The following DIAPH2 variants were observed in gnomAD, a reference collection of about 807,000 sequenced individuals.
DIAPH2 encodes diaphanous related formin 2.
In DIAPH2, 35 loss-of-function variants were observed where a neutral mutation model predicts 92.7. The observed-to-expected ratio is 0.38, with a 90% CI of 0.29 to 0.50. DIAPH2 has a LOEUF of 0.50. Ranked by LOEUF, DIAPH2 falls within the 20% of genes least tolerant of loss-of-function variation. The pLI, the probability that DIAPH2 is intolerant of heterozygous loss-of-function variation, is 0.94. For synonymous variants in DIAPH2, 301 were observed against 280.4 expected, an observed-to-expected ratio of 1.07 and a Z score of -0.73; for missense variants, 701 against 819.5, an observed-to-expected ratio of 0.86 and a Z score of 1.77.
At chrX:97,252,842 C>A (rs764318485) in intron 23 of DIAPH2, among the ~76,000 whole-genome samples, 1 of 111,271 alleles carries the variant, frequency 9.0e-6, no homozygotes, top group Non-Finnish European at 1.9e-5. Flanking sequence ...TCTCTCCTTA[C>A]CCTCACTGTC....
chrX:97,541,127 CA>C lies in DIAPH2; in HGVS notation c.3242-58125del, dbSNP rs762502138. 2.8e-3 allele frequency among the ~76,000 whole-genome samples: 314 copies of C among 111,541 alleles called. 1 individual carries two copies. The highest frequency in any genetic ancestry group is 0.023 in the Middle Eastern group (5 of 214). On this transcript the variant is annotated intron_variant, in intron 26 of 26. Coordinates refer to ENST00000324765, the MANE Select transcript of DIAPH2 (RefSeq NM_006729.5). ...TGGATAACCTAACTTCCCAATTAAA[CA>C]TGACGTTTCCTCCAAAATATTAAGC...
At position 96,939,293 on chromosome X, in the gene DIAPH2, A is replaced by G. The variant is rs2065677932; in HGVS notation, c.1236A>G (p.Leu412=). 3.6e-6 allele frequency: 4 copies of G among 1,113,170 alleles called. No homozygotes were observed. The highest frequency in any genetic ancestry group is 3.9e-5 in the South Asian group (2 of 51,920). 91.7% of individuals were successfully genotyped at this position (1,113,170 alleles called of 1,213,427 possible). ...MDDMNEVYHL[L]YNMLKDTAAE... is the part of the protein sequence containing the mutation. ...ATATGAATGAAGTCTACCATCTTCT[A>G]TATAATATGCTGAAGGACACTGCTG... The change falls in exon 12 of 27, where the codon CTA becomes CTG. Residue 412 remains leucine (L), a synonymous_variant. Coordinates refer to ENST00000324765, the MANE Select transcript of DIAPH2 (RefSeq NM_006729.5).
At chrX:96,905,150 G>A (rs1339702067) in intron 5 of DIAPH2, among the ~76,000 whole-genome samples, 1 of 111,658 alleles carries the variant, frequency 9.0e-6, no homozygotes, top group Non-Finnish European at 1.9e-5. Context: ...TACAGCTTAT[G>A]GGATTCAGTA....
At position 97,334,998 on chromosome X, in the gene DIAPH2, C is replaced by CAAAAAAAAAAAAAAAAAAAAAAAAAAAA. The variant is rs746536131; in HGVS notation, c.2845-13100_2845-13099insAAAAAAAAAAAAAAAAAAAAAAAAAAAA. Reference sequence around the variant, plus strand: ...TTCGTCTCAAAAAACAAAAACAAAACAAAAAAAAAAAAAAAAAAGAGGAAG... The same window carrying CAAAAAAAAAAAAAAAAAAAAAAAAAAAA: ...TTCGTCTCAAAAAACAAAAACAAAACAAAAAAAAAAAAAAAAAAAAAAAAAAAAAAAAAAAAAAAAAAAAAAGAGGAAG... On this transcript the variant is annotated intron_variant, in intron 23 of 26. Coordinates refer to ENST00000324765, the MANE Select transcript of DIAPH2 (RefSeq NM_006729.5). Among the ~76,000 whole-genome samples, 19 of 31,448 alleles carry CAAAAAAAAAAAAAAAAAAAAAAAAAAAA rather than the reference C, an allele frequency of 6.0e-4. 1 individual carries two copies. Among genetic ancestry groups the CAAAAAAAAAAAAAAAAAAAAAAAAAAAA allele is most frequent in the South Asian group, 5.5e-3 (1 of 182 alleles). 27.3% of individuals were successfully genotyped at this position (31,448 alleles called of 115,157 possible). A position where few individuals can be genotyped will look rare whatever the true frequency, so the allele number is the denominator to read the frequency against.
intron 5 of DIAPH2, chrX:96,885,345 G>A (rs2065252944): frequency 3.7e-6 from 1 of 273,886 alleles, no homozygotes. Context: ...CATGATTTTC[G>A]GGGAAGAAAA....
At chrX:97,358,315 A>G (rs2069288400) in intron 24 of DIAPH2, among the ~76,000 whole-genome samples, 1 of 111,589 alleles carries the variant, frequency 9.0e-6, no homozygotes, top group African/African-American at 3.3e-5. Flanking sequence ...ATCTAGAGAC[A>G]TTTTTGTTTA....
chrX:97,207,318 ATTG>A (rs2067805519), intron 22 of DIAPH2, among the ~76,000 whole-genome samples: 3 of 111,894 alleles, frequency 2.7e-5, no homozygotes, highest in Non-Finnish European at 5.6e-5. Flanking sequence ...CCCAAGTTAG[ATTG>A]AAAGTACTCA....
At chrX:96,792,590 A>G (rs1256048257) in intron 4 of DIAPH2, among the ~76,000 whole-genome samples, 2 of 111,819 alleles carry the variant, frequency 1.8e-5, no homozygotes, top group African/African-American at 6.5e-5. Flanking sequence ...TTTATTTTTT[A>G]TTTTTTGCCA....
At chrX:97,593,792 A>C (rs1043762936) in intron 26 of DIAPH2, among the ~76,000 whole-genome samples, 7 of 111,794 alleles carry the variant, frequency 6.3e-5, no homozygotes, top group African/African-American at 1.9e-4. Context: ...GAAACCTAAG[A>C]TCCCAATAGA....
At chrX:96,893,521 A>G (rs1485945222) in intron 5 of DIAPH2, among the ~76,000 whole-genome samples, 1 of 112,204 alleles carries the variant, frequency 8.9e-6, no homozygotes, top group African/African-American at 3.2e-5. Context: ...GATATTGGAC[A>G]ACAACAGTAG....
intron 3 of DIAPH2, among the ~76,000 whole-genome samples, chrX:96,741,260 A>G (rs768041702): frequency 9.2e-6 from 1 of 108,923 alleles, no homozygotes; most frequent in South Asian, 4.0e-4. Flanking sequence ...GTTGCTAGCT[A>G]TCACTCCATT....
At chrX:96,731,880 A>G (rs2064057800) in intron 1 of DIAPH2, among the ~76,000 whole-genome samples, 1 of 111,990 alleles carries the variant, frequency 8.9e-6, no homozygotes, top group African/African-American at 3.2e-5. Flanking sequence ...TATGGTCACT[A>G]TATTTATTGG....
intron 4 of DIAPH2, among the ~76,000 whole-genome samples, chrX:96,860,287 G>A (rs748825106): frequency 8.9e-6 from 1 of 112,049 alleles, no homozygotes; most frequent in South Asian, 3.8e-4. Context: ...TCCATGCACT[G>A]CATAGAATGT....
At chrX:97,207,279 G>A (rs1015336551) in intron 22 of DIAPH2, among the ~76,000 whole-genome samples, 1 of 111,857 alleles carries the variant, frequency 8.9e-6, no homozygotes, top group Non-Finnish European at 1.9e-5. Context: ...TGTTTACAGC[G>A]TTCAATTGAA....
chrX:97,032,968 A>G (rs1285678145), intron 17 of DIAPH2, among the ~76,000 whole-genome samples: 2 of 111,401 alleles, frequency 1.8e-5, no homozygotes, highest in Non-Finnish European at 3.8e-5. Flanking sequence ...TCAAAGGACT[A>G]TAATTCTAAG....
intron 26 of DIAPH2, among the ~76,000 whole-genome samples, chrX:97,568,095 G>A (rs755396287): frequency 2.9e-5 from 2 of 69,161 alleles, no homozygotes; most frequent in South Asian, 2.6e-3. Context: ...CAGCCTGGGC[G>A]ACAGAACGAG....
intron 26 of DIAPH2, among the ~76,000 whole-genome samples, chrX:97,449,363 C>CT (rs1318781636): frequency 8.9e-6 from 1 of 111,903 alleles, no homozygotes; most frequent in Non-Finnish European, 1.9e-5. Context: ...TTAGTAATTG[C>CT]TTTAGGCCAC....
intron 26 of DIAPH2, among the ~76,000 whole-genome samples, chrX:97,496,674 T>TC (rs1244512982): frequency 3.9e-5 from 4 of 103,575 alleles, no homozygotes; most frequent in Non-Finnish European, 7.9e-5. Flanking sequence ...TTTTTTTTTT[T>TC]CCGAGACGGA....
intron 4 of DIAPH2, among the ~76,000 whole-genome samples, chrX:96,842,225 C>T (rs989206363): frequency 8.9e-6 from 1 of 111,746 alleles, no homozygotes; most frequent in Non-Finnish European, 1.9e-5. Flanking sequence ...AATGTCCCTC[C>T]ATAAAGAGTA....
Sources: allele counts gnomAD v4.1 joint callset (sites outside exome capture counted in the v4.1 genomes callset), GRCh38; gene constraint gnomAD v4.1.1; transcripts MANE v1.5; gene names NCBI Gene and HGNC (gene_info 2026-07-23, HGNC 2026-07-21).